Variants in TIPARP observed in about 807,000 individuals in gnomAD.
The protein encoded by TIPARP is TCDD inducible poly(ADP-ribose) polymerase.
A neutral mutation model predicts 56.5 loss-of-function variants in TIPARP; 12 were observed. That is an observed-to-expected ratio of 0.21 (90% CI 0.14 to 0.34). The LOEUF is 0.34. Ranked by LOEUF, TIPARP falls within the 10% of genes least tolerant of loss-of-function variation. The pLI, the probability that TIPARP is intolerant of heterozygous loss-of-function variation, is 1.00. For missense variants in TIPARP, 604 were observed against 781.6 expected (o/e 0.77, Z 2.71); for synonymous variants, 296 against 265.7 (o/e 1.11, Z -1.11).
intron 4 of TIPARP, among the ~76,000 whole-genome samples, chr3:156,697,361 C>T (rs951299126): frequency 6.7e-6 from 1 of 149,892 alleles, no homozygotes; most frequent in East Asian, 2.0e-4. Context: ...TGGAAAGTTT[C>T]GGTGAATGGT....
At chr3:156,694,724 TTCA>T (rs1722669469) in intron 3 of TIPARP, among the ~76,000 whole-genome samples, 1 of 152,220 alleles carries the variant, frequency 6.6e-6, no homozygotes, top group African/African-American at 2.4e-5. Context: ...ATAATAGCCC[TTCA>T]GTCTCAAAGC....
chr3:156,691,887 C>A (rs994633538), intron 2 of TIPARP, among the ~76,000 whole-genome samples: 1 of 152,114 alleles, frequency 6.6e-6, no homozygotes, highest in Non-Finnish European at 1.5e-5. Flanking sequence ...GTCGTAGAAA[C>A]TTCATAATGC....
At chr3:156,699,585 A>G (rs1722796563) in intron 4 of TIPARP, among the ~76,000 whole-genome samples, 1 of 152,224 alleles carries the variant, frequency 6.6e-6, no homozygotes, top group South Asian at 2.1e-4. Context: ...ATGGTATAGT[A>G]TAAACATAAC....
At chr3:156,694,639 T>C (rs915943747) in intron 3 of TIPARP, among the ~76,000 whole-genome samples, 1 of 152,244 alleles carries the variant, frequency 6.6e-6, no homozygotes, top group Non-Finnish European at 1.5e-5. Context: ...AAAATGTTTA[T>C]TGAGCTGTGG....
At chr3:156,696,153 A>C in intron 4 of TIPARP, 128 bp downstream of exon 4, 1 of 975,778 alleles carries the variant, frequency 1.0e-6, no homozygotes, top group Non-Finnish European at 1.5e-6. Flanking sequence ...ATTCCAAATT[A>C]GTCTTTGGAT....
chr3:156,695,778 C>G, intron 3 of TIPARP, 87 bp from the exon 4 acceptor site: 4 of 1,438,900 alleles, frequency 2.8e-6, no homozygotes, highest in Non-Finnish European at 3.6e-6. Context: ...GTGAGGTTAA[C>G]TTTTGCCTTT....
chr3:156,695,845 T>TTTTTTTTTTTTTTTTC lies in TIPARP; in HGVS notation c.1087-19_1087-18insTTTTTTTTTTTTTTCT. 2.1e-6 allele frequency: 3 copies of TTTTTTTTTTTTTTTTC among 1,438,718 alleles called. No homozygotes were observed. The highest frequency in any genetic ancestry group is 3.1e-5 in the South Asian group (2 of 64,770). The allele number at this position is 1,438,718 out of a possible 1,614,324, so 89.1% of individuals were successfully genotyped here. A position where few individuals can be genotyped will look rare whatever the true frequency, so the allele number is the denominator to read the frequency against. On this transcript the variant is annotated intron_variant, in intron 3 of 5. Coordinates refer to ENST00000295924, the MANE Select transcript of TIPARP (RefSeq NM_015508.5). ...ACTTTCCTTTTTTTTTTTTTTTTTG[T>TTTTTTTTTTTTTTTTC]TCTGTTTTCTCCTCCATAGTCTGTC...
intron 1 of TIPARP, among the ~76,000 whole-genome samples, chr3:156,677,189 C>T (rs1722151215): frequency 6.6e-6 from 1 of 152,272 alleles, no homozygotes; most frequent in African/African-American, 2.4e-5. Flanking sequence ...TGAAGTTTAT[C>T]TTTCATTTGA....
At chr3:156,682,176 G>A (rs1016849852) in intron 2 of TIPARP, among the ~76,000 whole-genome samples, 2 of 152,174 alleles carry the variant, frequency 1.3e-5, no homozygotes, top group African/African-American at 4.8e-5. Flanking sequence ...GTCAAGAAGG[G>A]ACACACTGCA....
chr3:156,684,523 C>G (rs900063440), intron 2 of TIPARP, among the ~76,000 whole-genome samples: 14 of 152,170 alleles, frequency 9.2e-5, no homozygotes, highest in African/African-American at 3.4e-4. Context: ...ACCTCCGCCT[C>G]CTGGGTTCAA....
intron 1 of TIPARP, chr3:156,675,697 G>C (rs1181697834): frequency 6.6e-6 from 1 of 152,368 alleles, no homozygotes; most frequent in Non-Finnish European, 1.5e-5. Context: ...GTCGCGCGGC[G>C]GCGGGCGGGC....
Position 156,700,048 on chromosome 3 carries a change from GT to G in TIPARP, c.1248-3371del, listed in dbSNP as rs766638961. On this transcript the variant is annotated intron_variant, in intron 4 of 5. Transcript: ENST00000295924. Reference sequence around the variant, plus strand: ...CAGGGAAAATGTTTCTTTTTAAGTGGTTTTTGTTTTGTTAAATTTTTAAAAC... The same window carrying G: ...CAGGGAAAATGTTTCTTTTTAAGTGGTTTTGTTTTGTTAAATTTTTAAAAC... Among the ~76,000 whole-genome samples, 7 of 150,990 alleles carry G rather than the reference GT, an allele frequency of 4.6e-5. No homozygotes were observed. The East Asian group carries it at 1.2e-3, about 25-fold the overall frequency.
chr3:156,678,000 A>G lies in TIPARP; in HGVS notation c.303A>G (p.Pro101=), dbSNP rs756251665. 15 of 1,614,130 alleles carry G rather than the reference A, an allele frequency of 9.3e-6. No homozygotes were observed. Among genetic ancestry groups the G allele is most frequent in the African/African-American group, 1.3e-5 (1 of 75,054 alleles). Residue 101 remains proline (P), a synonymous_variant, in exon 2 of 6, where the codon CCA becomes CCG. Coordinates refer to ENST00000295924, the MANE Select transcript of TIPARP (RefSeq NM_015508.5). ...CCATGGAAATCAATTCATCATGCCC[A>G]CCAGCAGAAAATAATATGTCTGTTC... ...KKAMEINSSC[P]PAENNMSVLI...
intron 4 of TIPARP, among the ~76,000 whole-genome samples, chr3:156,702,452 T>C (rs1393082707): frequency 3.9e-5 from 6 of 152,214 alleles, no homozygotes; most frequent in Admixed American, 6.5e-5. Flanking sequence ...CTATGCTCTT[T>C]GGAGATGAGA....
intron 4 of TIPARP, among the ~76,000 whole-genome samples, chr3:156,698,842 A>G (rs1028039720): frequency 6.6e-5 from 10 of 152,236 alleles, no homozygotes; most frequent in Non-Finnish European, 1.2e-4. Flanking sequence ...GTAAATTGGA[A>G]AACTTTTGGG....
chr3:156,676,269 C>T (rs1017377856), intron 1 of TIPARP, among the ~76,000 whole-genome samples: 3 of 152,258 alleles, frequency 2.0e-5, no homozygotes, highest in Non-Finnish European at 4.4e-5. Context: ...TGCCAGCTTA[C>T]AGTGAACTCT....
chr3:156,686,554 C>T (rs775964559), intron 2 of TIPARP, among the ~76,000 whole-genome samples: 19 of 152,102 alleles, frequency 1.2e-4, no homozygotes, highest in Admixed American at 8.5e-4. Flanking sequence ...GCATCAAATA[C>T]GTAATAAGTC....
chr3:156,681,095 A>G (rs1722291302), intron 2 of TIPARP: 2 of 455,452 alleles, frequency 4.4e-6, no homozygotes, highest in South Asian at 1.6e-5. Flanking sequence ...TTTTCCTTGT[A>G]TTCCAAAGCG....
At chr3:156,675,247 T>C (rs887930093) in intron 1 of TIPARP, 1 of 152,132 alleles carries the variant, frequency 6.6e-6, no homozygotes, top group Non-Finnish European at 1.5e-5. Context: ...GCCCAGAAGT[T>C]TGGAAGATGT....
Sources: gnomAD v4.1 joint callset for allele counts (sites outside exome capture counted in the v4.1 genomes callset) on GRCh38, gnomAD v4.1.1 for gene constraint, MANE v1.5 for transcripts, NCBI Gene and HGNC (gene_info 2026-07-23, HGNC 2026-07-21) for gene names.